DLC1: variants seen among roughly 807,000 people sequenced by gnomAD.
DLC1 encodes the protein rho GTPase-activating protein 7.
In DLC1, 54 loss-of-function variants were observed where a neutral mutation model predicts 140.3. The observed-to-expected ratio is 0.38, with a 90% confidence interval of 0.31 to 0.48. The LOEUF is 0.48. Among genes scored for constraint, DLC1 ranks in the 20% least tolerant of loss-of-function variants. DLC1 has a pLI of 0.96. For missense variants in DLC1, 2,536 were observed against 1,907.0 expected, an observed-to-expected ratio of 1.33 and a Z score of -6.14; for synonymous variants, 986 against 728.1, an observed-to-expected ratio of 1.35 and a Z score of -5.70.
intron 3 of DLC1, among the ~76,000 whole-genome samples, chr8:13,400,254 A>G (rs1471690321): frequency 6.6e-6 from 1 of 152,186 alleles, no homozygotes; most frequent in African/African-American, 2.4e-5. Context: ...AGAACTGACC[A>G]TCACTAAATA....
chr8:13,448,736 G>T (rs975862902), intron 2 of DLC1, among the ~76,000 whole-genome samples: 1 of 152,174 alleles, frequency 6.6e-6, no homozygotes, highest in East Asian at 1.9e-4. Flanking sequence ...TCTCCATAGT[G>T]TTCAGTGCTT....
At chr8:13,363,076 G>A (rs1835312376) in intron 4 of DLC1, among the ~76,000 whole-genome samples, 2 of 152,088 alleles carry the variant, frequency 1.3e-5, no homozygotes, top group African/African-American at 4.8e-5. Context: ...TGCCATCACA[G>A]AGCCTACACT....
At chr8:13,555,777 C>A (rs1205842794) in intron 1 of DLC1, among the ~76,000 whole-genome samples, 1 of 151,858 alleles carries the variant, frequency 6.6e-6, no homozygotes, top group African/African-American at 2.4e-5. Flanking sequence ...GCTAGGATTA[C>A]AGGCATGAGA....
At chr8:13,484,226 A>G (rs1033734092) in intron 2 of DLC1, among the ~76,000 whole-genome samples, 2 of 152,206 alleles carry the variant, frequency 1.3e-5, no homozygotes, top group Admixed American at 1.3e-4. Flanking sequence ...AGAATAAAGG[A>G]AATGGATATG....
At chr8:13,192,875 C>T (rs768894960) in intron 5 of DLC1, among the ~76,000 whole-genome samples, 1 of 152,170 alleles carries the variant, frequency 6.6e-6, no homozygotes, top group Non-Finnish European at 1.5e-5. Flanking sequence ...ACACTGCTGG[C>T]GCCTTGATCT....
chr8:13,458,770 C>T (rs950378493), intron 2 of DLC1, among the ~76,000 whole-genome samples: 81 of 152,094 alleles, frequency 5.3e-4, no homozygotes, highest in African/African-American at 1.8e-3. Context: ...TACTGTCCTA[C>T]CTCCATATGT....
At chr8:13,442,300 A>G (rs369152359) in intron 2 of DLC1, among the ~76,000 whole-genome samples, 3 of 152,366 alleles carry the variant, frequency 2.0e-5, no homozygotes, top group East Asian at 3.9e-4. Flanking sequence ...ATGGGCAAGG[A>G]CTTCATGTCT....
intron 2 of DLC1, among the ~76,000 whole-genome samples, chr8:13,453,156 T>A (rs1319180224): frequency 1.3e-5 from 2 of 150,280 alleles, no homozygotes; most frequent in Non-Finnish European, 3.0e-5. Flanking sequence ...TAAAATATTC[T>A]AAAAATATAT....
At chr8:13,358,883 C>G (rs1835073434) in intron 4 of DLC1, among the ~76,000 whole-genome samples, 1 of 152,162 alleles carries the variant, frequency 6.6e-6, no homozygotes, top group African/African-American at 2.4e-5. Flanking sequence ...GAAGGTATCC[C>G]TAGGCAACAC....
intron 5 of DLC1, among the ~76,000 whole-genome samples, chr8:13,171,130 A>G (rs1034210900): frequency 5.9e-5 from 9 of 152,208 alleles, no homozygotes; most frequent in African/African-American, 1.7e-4. Context: ...GGAGAAAAAA[A>G]GGGAATACCT....
At chr8:13,548,954 G>A (rs752758830) in intron 1 of DLC1, among the ~76,000 whole-genome samples, 4 of 152,012 alleles carry the variant, frequency 2.6e-5, no homozygotes, top group Non-Finnish European at 5.9e-5. Context: ...TCAGTGAAAG[G>A]ATTCTTCTCT....
chr8:13,235,117 A>G (rs1355469615), intron 5 of DLC1, among the ~76,000 whole-genome samples: 1 of 152,114 alleles, frequency 6.6e-6, no homozygotes, highest in Non-Finnish European at 1.5e-5. Context: ...ATTTAATAAT[A>G]AAAGCACATT....
chr8:13,196,868 G>A (rs780255212), intron 5 of DLC1, among the ~76,000 whole-genome samples: 11 of 152,226 alleles, frequency 7.2e-5, no homozygotes, highest in Non-Finnish European at 1.6e-4. Context: ...TGGAGCTACA[G>A]TGGGGTGTGA....
chr8:13,119,068 A>G (rs1294867035), intron 5 of DLC1, among the ~76,000 whole-genome samples: 1 of 151,990 alleles, frequency 6.6e-6, no homozygotes, highest in Admixed American at 6.6e-5. Flanking sequence ...ATCTCTACAT[A>G]AAATACAAAA....
At position 13,245,678 on chromosome 8, in the gene DLC1, A is replaced by T. The variant is rs1361023222; in HGVS notation, c.1348+59591T>A. On this transcript the variant is annotated intron_variant, in intron 5 of 17. Coordinates refer to ENST00000276297, the MANE Select transcript of DLC1 (RefSeq NM_182643.3). ...GTTTAGATAAATGCAAACTTTTAAAATTTTTTTATTATTTTATTATTTCTT... is the reference window on the plus strand; with the variant it reads ...GTTTAGATAAATGCAAACTTTTAAATTTTTTTTATTATTTTATTATTTCTT... 4.0e-5 allele frequency among the ~76,000 whole-genome samples: 6 copies of T among 151,868 alleles called. No individual in the cohort carries two copies. In the East Asian group the frequency reaches 9.7e-4, roughly 24 times the overall value.
intron 2 of DLC1, among the ~76,000 whole-genome samples, chr8:13,414,444 T>C (rs1837953354): frequency 6.6e-6 from 1 of 152,218 alleles, no homozygotes; most frequent in African/African-American, 2.4e-5. Context: ...AATCCTGGCT[T>C]GACCAATTTA....
At chr8:13,506,593 A>ATATATACGTG (rs1554534394) in intron 1 of DLC1, among the ~76,000 whole-genome samples, 5 of 133,678 alleles carry the variant, frequency 3.7e-5, no homozygotes, top group African/African-American at 1.5e-4. Context: ...ATATATATAT[A>ATATATACGTG]TATATATATA....
chr8:13,152,839 A>AAAAAAAAAT (rs56345301), intron 5 of DLC1, among the ~76,000 whole-genome samples: 1 of 150,352 alleles, frequency 6.7e-6, no homozygotes, highest in Non-Finnish European at 1.5e-5. Flanking sequence ...AAAAAAAAAA[A>AAAAAAAAAT]GCAACCAACC....
chr8:13,125,778 T>C (rs1006932680), intron 5 of DLC1, among the ~76,000 whole-genome samples: 4 of 151,850 alleles, frequency 2.6e-5, no homozygotes, highest in African/African-American at 7.2e-5. Flanking sequence ...TTTGGAGACA[T>C]ACATATACAG....
Sources: gnomAD v4.1 joint callset for allele counts (sites outside exome capture counted in the v4.1 genomes callset) on GRCh38, gnomAD v4.1.1 for gene constraint, MANE v1.5 for transcripts, NCBI Gene and HGNC (gene_info 2026-07-23, HGNC 2026-07-21) for gene names.